The following PPP2R2B variants were observed in gnomAD, a reference collection of about 807,000 sequenced individuals.
The protein encoded by PPP2R2B is serine/threonine-protein phosphatase 2A 55 kDa regulatory subunit B beta isoform.
In PPP2R2B, 5 loss-of-function variants were observed where a neutral mutation model predicts 46.0. That is an observed-to-expected ratio of 0.11 (90% CI 0.06 to 0.23). The LOEUF (loss-of-function observed/expected upper bound fraction) is 0.23, where lower values mean the gene tolerates loss of function less well. Among genes scored for constraint, PPP2R2B ranks in the 10% least tolerant of loss-of-function variants. The probability of loss-of-function intolerance (pLI) is 1.00; values close to 1 mark genes in which losing one functional copy is unlikely to be tolerated. For missense variants in PPP2R2B, 367 were observed against 575.0 expected, an observed-to-expected ratio of 0.64 and a Z score of 3.70; for synonymous variants, 215 against 206.7, an observed-to-expected ratio of 1.04 and a Z score of -0.34.
chr5:146,825,199 G>A (rs1312629020), intron 2 of PPP2R2B, among the ~76,000 whole-genome samples: 2 of 152,156 alleles, frequency 1.3e-5, no homozygotes, highest in African/African-American at 4.8e-5. Flanking sequence ...CTTTGTTCAT[G>A]CTGTGTATGG....
At chr5:146,773,363 T>G (rs1428166846) in intron 2 of PPP2R2B, among the ~76,000 whole-genome samples, 5 of 152,238 alleles carry the variant, frequency 3.3e-5, no homozygotes. Context: ...TCATTTCATC[T>G]TTTCAAAAGG....
chr5:146,752,331 A>G (rs1422087328), intron 2 of PPP2R2B, among the ~76,000 whole-genome samples: 7 of 152,254 alleles, frequency 4.6e-5, no homozygotes, highest in African/African-American at 1.4e-4. Context: ...TAACATCACA[A>G]TGTTGGCTCC....
intron 2 of PPP2R2B, among the ~76,000 whole-genome samples, chr5:146,869,268 G>T (rs1045445729): frequency 5.9e-5 from 9 of 152,164 alleles, no homozygotes; most frequent in Non-Finnish European, 1.3e-4. Flanking sequence ...CTAAGAAATG[G>T]GAACTGTCAT....
chr5:146,706,605 C>T (rs995628929), intron 2 of PPP2R2B: 3 of 816,406 alleles, frequency 3.7e-6, no homozygotes, highest in Non-Finnish European at 6.3e-6. Flanking sequence ...CAGCTCCCTG[C>T]GCTGCTCCGC....
chr5:146,925,309 C>T (rs568208806), intron 1 of PPP2R2B, among the ~76,000 whole-genome samples: 2 of 152,284 alleles, frequency 1.3e-5, no homozygotes, highest in Admixed American at 6.5e-5. Flanking sequence ...TCCTTTGGTA[C>T]ATCTTTTAAA....
At chr5:147,079,184 T>A (rs1169301373) in intron 2 of PPP2R2B, among the ~76,000 whole-genome samples, 1 of 151,704 alleles carries the variant, frequency 6.6e-6, no homozygotes, top group Non-Finnish European at 1.5e-5. Context: ...TGAGTTTATA[T>A]ACAAATATAA....
chr5:146,883,221 G>A (rs1284799107), upstream of PPP2R2B, among the ~76,000 whole-genome samples: 4 of 152,118 alleles, frequency 2.6e-5, no homozygotes, highest in Non-Finnish European at 5.9e-5. Flanking sequence ...TTTGCAAAAT[G>A]GAAGAAAACA....
chr5:146,635,049 G>A (rs548434420), intron 7 of PPP2R2B, among the ~76,000 whole-genome samples: 5 of 152,282 alleles, frequency 3.3e-5, no homozygotes, highest in South Asian at 2.1e-4. Context: ...AACTGCTGCC[G>A]TCATTTATTG....
At chr5:146,967,969 C>CT (rs1752503754) in intron 1 of PPP2R2B, among the ~76,000 whole-genome samples, 1 of 152,208 alleles carries the variant, frequency 6.6e-6, no homozygotes, top group Non-Finnish European at 1.5e-5. Flanking sequence ...GCCCACTCAG[C>CT]TTATATAAGC....
chr5:146,916,873 C>T (rs545650425), intron 1 of PPP2R2B, among the ~76,000 whole-genome samples: 21 of 152,204 alleles, frequency 1.4e-4, no homozygotes, highest in African/African-American at 4.8e-4. Context: ...TATAGCTCTG[C>T]CTCTTAATAG....
At chr5:146,796,459 T>C (rs1409549484) in intron 2 of PPP2R2B, among the ~76,000 whole-genome samples, 1 of 152,056 alleles carries the variant, frequency 6.6e-6, no homozygotes, top group Non-Finnish European at 1.5e-5. Flanking sequence ...TGGCAAACAT[T>C]CTTCTTCTTT....
chr5:146,960,072 G>A (rs1215671007), intron 1 of PPP2R2B, among the ~76,000 whole-genome samples: 1 of 152,142 alleles, frequency 6.6e-6, no homozygotes, highest in Non-Finnish European at 1.5e-5. Flanking sequence ...AGGGATGGCT[G>A]TGTTAGATAA....
At chr5:146,707,564 G>GAC (rs1351095514) in intron 2 of PPP2R2B, 17 of 712,924 alleles carry the variant, frequency 2.4e-5, no homozygotes, top group Non-Finnish European at 4.1e-5. Context: ...GCCAGAGGTG[G>GAC]ACACCTTGTA....
intron 1 of PPP2R2B, among the ~76,000 whole-genome samples, chr5:146,955,329 G>T (rs535909534): frequency 3.3e-5 from 5 of 152,250 alleles, no homozygotes; most frequent in Admixed American, 3.3e-4. Context: ...TGATTCATTA[G>T]GTCTGGGTGT....
Position 146,707,077 on chromosome 5 carries a change from T to C in PPP2R2B, c.71-5935A>G, listed in dbSNP as rs1048030438. 3.0e-6 allele frequency: 4 copies of C among 1,340,588 alleles called. No homozygotes were observed. The African/African-American group carries it at 4.3e-5, about 14-fold the overall frequency. 83.0% of individuals were successfully genotyped at this position (1,340,588 alleles called of 1,614,324 possible). A position where few individuals can be genotyped will look rare whatever the true frequency, so the allele number is the denominator to read the frequency against. On this transcript the variant is annotated intron_variant, in intron 2 of 9. Transcript: ENST00000394411. ...TGTACTCTTATTGATCTCATCCTCATAGTTGTTCTTGAAGTCCTCCACCAG... is the reference window on the plus strand; with the variant it reads ...TGTACTCTTATTGATCTCATCCTCACAGTTGTTCTTGAAGTCCTCCACCAG...
chr5:147,069,785 G>GTTTTTTTCTTTTTTTTT (rs1757523092), intron 2 of PPP2R2B, among the ~76,000 whole-genome samples: 1 of 64,784 alleles, frequency 1.5e-5, no homozygotes, highest in Non-Finnish European at 2.5e-5. Flanking sequence ...ATTTTATACT[G>GTTTTTTTCTTTTTTTTT]TTTTTTTTTT....
chr5:146,620,178 G>T (rs1460674323), intron 7 of PPP2R2B, among the ~76,000 whole-genome samples: 1 of 152,180 alleles, frequency 6.6e-6, no homozygotes, highest in Non-Finnish European at 1.5e-5. Context: ...TTACGAAGGA[G>T]ACTCAGCTGG....
At chr5:146,971,143 T>A (rs185220230) in intron 1 of PPP2R2B, among the ~76,000 whole-genome samples, 1 of 152,354 alleles carries the variant, frequency 6.6e-6, no homozygotes, top group East Asian at 1.9e-4. Flanking sequence ...GAATGCTGCA[T>A]CTTTTCATTG....
intron 2 of PPP2R2B, among the ~76,000 whole-genome samples, chr5:147,062,021 A>G (rs1009145826): frequency 3.9e-5 from 6 of 152,202 alleles, no homozygotes; most frequent in Admixed American, 2.6e-4. Flanking sequence ...ATAGATGATG[A>G]TAATACAGTC....
Sources: allele counts gnomAD v4.1 joint callset (sites outside exome capture counted in the v4.1 genomes callset), GRCh38; gene constraint gnomAD v4.1.1; transcripts MANE v1.5; gene names NCBI Gene and HGNC (gene_info 2026-07-23, HGNC 2026-07-21).